Variants in CAMTA1 observed in about 807,000 individuals in gnomAD.
CAMTA1 encodes the protein calmodulin binding transcription activator 1.
CAMTA1 carries 27 observed loss-of-function variants against 170.9 expected under a neutral mutation model. The ratio of observed to expected loss-of-function variants is 0.16; its 90% CI spans 0.12 to 0.22. CAMTA1 has a LOEUF of 0.22. Ranked by LOEUF, CAMTA1 falls within the 10% of genes least tolerant of loss-of-function variation. The pLI is 1.00. For missense variants in CAMTA1, 1,619 were observed against 2,217.2 expected (o/e 0.73, Z 5.42); for synonymous variants, 833 against 891.5 (o/e 0.93, Z 1.17).
chr1:6,951,871 C>T (rs747792654), intron 3 of CAMTA1, among the ~76,000 whole-genome samples: 60 of 152,158 alleles, frequency 3.9e-4, no homozygotes, highest in Non-Finnish European at 7.6e-4. Flanking sequence ...AACTGTCAAG[C>T]GCAGTAAGAC....
At chr1:7,528,060 T>A (rs2094449740) in intron 6 of CAMTA1, among the ~76,000 whole-genome samples, 2 of 152,050 alleles carry the variant, frequency 1.3e-5, no homozygotes, top group African/African-American at 4.8e-5. Context: ...GGACCAAGAA[T>A]CCCACAGCCC....
intron 7 of CAMTA1, among the ~76,000 whole-genome samples, chr1:7,654,466 C>A (rs1318522257): frequency 6.6e-6 from 1 of 151,758 alleles, no homozygotes; most frequent in Non-Finnish European, 1.5e-5. Context: ...ACCCCTTGAA[C>A]TGTACACACA....
intron 11 of CAMTA1, among the ~76,000 whole-genome samples, chr1:7,710,984 C>A (rs1209310596): frequency 6.6e-6 from 1 of 152,156 alleles, no homozygotes; most frequent in Non-Finnish European, 1.5e-5. Context: ...ACCCCTGGAG[C>A]CAAGAATTGG....
intron 4 of CAMTA1, among the ~76,000 whole-genome samples, chr1:7,117,119 C>T (rs372521494): frequency 6.6e-5 from 10 of 151,214 alleles, no homozygotes; most frequent in Admixed American, 2.0e-4. Context: ...TACAGGCGCC[C>T]GCCACCATAC....
intron 6 of CAMTA1, among the ~76,000 whole-genome samples, chr1:7,554,896 G>A (rs1466228331): frequency 6.6e-6 from 1 of 151,738 alleles, no homozygotes; most frequent in Non-Finnish European, 1.5e-5. Context: ...GATGGTGGGG[G>A]CCCAAATCTG....
intron 11 of CAMTA1, among the ~76,000 whole-genome samples, chr1:7,678,479 C>T (rs529592164): frequency 6.2e-4 from 94 of 152,266 alleles, no homozygotes; most frequent in Middle Eastern, 3.4e-3. Context: ...CCATGGGGGT[C>T]GGTGAGTGTT....
At chr1:7,137,509 C>T (rs74051143) in intron 4 of CAMTA1, among the ~76,000 whole-genome samples, 2,689 of 152,250 alleles carry the variant, frequency 0.018, 74 homozygotes, top group African/African-American at 0.058. Flanking sequence ...AATGTACGAT[C>T]CCCCGCTCCA....
At chr1:6,839,408 C>G (rs113716981) in intron 3 of CAMTA1, among the ~76,000 whole-genome samples, 1 of 151,844 alleles carries the variant, frequency 6.6e-6, no homozygotes, top group East Asian at 1.9e-4. Context: ...AAACAAAAAA[C>G]CCCCCCAAAA....
chr1:7,104,115 CACACAACACACATAACTACACACGT>C (rs1183683080), intron 4 of CAMTA1, among the ~76,000 whole-genome samples: 50 of 55,204 alleles, frequency 9.1e-4, no homozygotes, highest in African/African-American at 3.3e-3. Context: ...CACACATGTA[CACACAACACACATAACTACACACGT>C]ACACACAACA....
chr1:7,717,731 A>T (rs1237886593), intron 11 of CAMTA1, among the ~76,000 whole-genome samples: 1 of 152,172 alleles, frequency 6.6e-6, no homozygotes, highest in Admixed American at 6.5e-5. Flanking sequence ...CTGTCTAAAA[A>T]AAAATAAAAA....
At chr1:7,018,617 G>A (rs368691502) in intron 3 of CAMTA1, among the ~76,000 whole-genome samples, 5 of 152,066 alleles carry the variant, frequency 3.3e-5, no homozygotes, top group African/African-American at 1.2e-4. Context: ...TGGAGAGAAG[G>A]GCTGCTTTTA....
In CAMTA1 at chr1:7,705,785, G is replaced by C. The variant is rs566960489; in HGVS notation, c.2915-26663G>C. On this transcript the variant is annotated intron_variant, in intron 11 of 22. Transcript: ENST00000303635. ...AGACCAGGGGAGCGGAGGGACGCTCGATTCACCCGCGTGCACAGGGCAGTC... is the reference window on the plus strand; with the variant it reads ...AGACCAGGGGAGCGGAGGGACGCTCCATTCACCCGCGTGCACAGGGCAGTC... Among the ~76,000 whole-genome samples the C allele has an allele frequency of 9.8e-5, 15 of 152,306 alleles. No homozygotes were observed. The South Asian group carries it at 2.5e-3, about 25-fold the overall frequency.
chr1:7,569,791 A>G (rs1275239528), intron 6 of CAMTA1, among the ~76,000 whole-genome samples: 1 of 152,036 alleles, frequency 6.6e-6, no homozygotes, highest in African/African-American at 2.4e-5. Context: ...TACCACCATC[A>G]CCATCATCAC....
chr1:7,023,763 C>A (rs369652507), intron 3 of CAMTA1, among the ~76,000 whole-genome samples: 3 of 152,230 alleles, frequency 2.0e-5, no homozygotes, highest in East Asian at 3.9e-4. Context: ...TGTGGTGGCT[C>A]ACGCCTGTAA....
intron 6 of CAMTA1, among the ~76,000 whole-genome samples, chr1:7,559,449 T>C (rs2094927619): frequency 6.6e-6 from 1 of 152,184 alleles, no homozygotes; most frequent in Admixed American, 6.5e-5. Context: ...CAGTGATTGA[T>C]GGTTTACCAA....
intron 3 of CAMTA1, among the ~76,000 whole-genome samples, chr1:6,954,587 C>A (rs1000244976): frequency 6.6e-6 from 1 of 152,138 alleles, no homozygotes; most frequent in Non-Finnish European, 1.5e-5. Flanking sequence ...CATAGTAGCC[C>A]GAGTGGTGGG....
chr1:6,895,825 C>T (rs913319730), intron 3 of CAMTA1, among the ~76,000 whole-genome samples: 1 of 151,884 alleles, frequency 6.6e-6, no homozygotes, highest in African/African-American at 2.4e-5. Flanking sequence ...TCCCCTGTCA[C>T]TCTGTCATGT....
chr1:7,031,824 A>G (rs911217116), intron 3 of CAMTA1, among the ~76,000 whole-genome samples: 2 of 152,134 alleles, frequency 1.3e-5, no homozygotes, highest in African/African-American at 4.8e-5. Flanking sequence ...TATAGGCATG[A>G]GTCACCACGC....
rs541347040 is a variant in CAMTA1 at position 6,901,352 on chromosome 1, A to G, written c.234+76142A>G. 2.6e-5 allele frequency among the ~76,000 whole-genome samples: 4 copies of G among 152,356 alleles called. No homozygotes were observed. In the South Asian group the frequency reaches 6.2e-4, roughly 24 times the overall value. ...CAGTGATTTATTAGATATGGCACCA[A>G]TTGTGCAATCCATAAGAGACAAAAC... On this transcript the variant is annotated intron_variant, in intron 3 of 22. Coordinates refer to ENST00000303635, the MANE Select transcript of CAMTA1 (RefSeq NM_015215.4).
Sources: allele counts gnomAD v4.1 joint callset (sites outside exome capture counted in the v4.1 genomes callset), GRCh38; gene constraint gnomAD v4.1.1; transcripts MANE v1.5; gene names NCBI Gene and HGNC (gene_info 2026-07-23, HGNC 2026-07-21).